The following RBBP8NL variants were observed in gnomAD, a reference collection of about 807,000 sequenced individuals.
The protein encoded by RBBP8NL is RBBP8 N-terminal-like protein.
A neutral mutation model predicts 62.2 loss-of-function variants in RBBP8NL; 59 were observed. That is an observed-to-expected ratio of 0.95 (90% CI 0.77 to 1.18). The LOEUF (loss-of-function observed/expected upper bound fraction) is 1.18, where lower values mean the gene tolerates loss of function less well. Ranked by LOEUF, RBBP8NL falls within the 50% of genes most tolerant of loss-of-function variation. RBBP8NL has a pLI of 0.00. For missense variants in RBBP8NL, 896 were observed against 899.5 expected (o/e 1.00, Z 0.05); for synonymous variants, 412 against 394.1 (o/e 1.05, Z -0.54).
chr20:62,417,394 G>GAT, intron 3 of RBBP8NL, 75 bp from the exon 4 acceptor site: 2 of 1,215,492 alleles, frequency 1.6e-6, no homozygotes, highest in Non-Finnish European at 2.3e-6. Flanking sequence ...ATCCAGCCTG[G>GAT]GGGGGCAGCG....
chr20:62,413,748 T>TG lies in RBBP8NL; in HGVS notation c.1530+72dup, dbSNP rs528286895. 2,346 of 1,502,662 alleles carry TG rather than the reference T, an allele frequency of 1.6e-3. 3 individuals carry two copies. Among genetic ancestry groups the TG allele is most frequent in the South Asian group, 1.9e-3 (137 of 73,692 alleles). 93.1% of individuals were successfully genotyped at this position (1,502,662 alleles called of 1,614,324 possible). A position where few individuals can be genotyped will look rare whatever the true frequency, so the allele number is the denominator to read the frequency against. On this transcript the variant is annotated intron_variant, in intron 10 of 13. Transcript: ENST00000252998. ...AGAGGGAAAAGAGCAGCCCGAGGTC[T>TG]GGGGGGAGGCCGGCCCGGGGTGGGG...
chr20:62,422,800 G>T (rs562309325), intron 1 of RBBP8NL, among the ~76,000 whole-genome samples: 20 of 152,242 alleles, frequency 1.3e-4, no homozygotes, highest in African/African-American at 4.8e-4. Flanking sequence ...GACAGAGTGT[G>T]GCCTGTGTTC....
chr20:62,412,603 C>T (rs1389554928), intron 13 of RBBP8NL, 21 bp downstream of exon 13: 6 of 1,600,156 alleles, frequency 3.7e-6, no homozygotes, highest in African/African-American at 2.7e-5. Flanking sequence ...CTTCCCTGCA[C>T]CTGCCCCATG....
chr20:62,418,655 T>C (rs996815097), intron 2 of RBBP8NL, among the ~76,000 whole-genome samples, 190 bp from the exon 3 acceptor site: 1 of 152,106 alleles, frequency 6.6e-6, no homozygotes, highest in African/African-American at 2.4e-5. Context: ...GGTCTCGGCC[T>C]AGCATCTGTT....
intron 1 of RBBP8NL, among the ~76,000 whole-genome samples, chr20:62,425,993 TGGGAG>T (rs1427784613): frequency 7.3e-6 from 1 of 137,538 alleles, no homozygotes; most frequent in Non-Finnish European, 1.5e-5. Context: ...GCAGTGGCAG[TGGGAG>T]TGGCAGTGGC....
intron 1 of RBBP8NL, among the ~76,000 whole-genome samples, chr20:62,424,684 G>A (rs1047407312): frequency 6.6e-6 from 1 of 152,108 alleles, no homozygotes; most frequent in Non-Finnish European, 1.5e-5. Flanking sequence ...CTCATCCAGG[G>A]AATGGACATG....
At chr20:62,417,478 C>T (rs1988597343) in intron 3 of RBBP8NL, among the ~76,000 whole-genome samples, 159 bp from the exon 4 acceptor site, 1 of 135,216 alleles carries the variant, frequency 7.4e-6, no homozygotes, top group Non-Finnish European at 1.5e-5. Context: ...TCTGCACGCT[C>T]CTCTGTGACG....
chr20:62,416,680 G>A, intron 5 of RBBP8NL, 80 bp downstream of exon 5: 1 of 929,144 alleles, frequency 1.1e-6, no homozygotes, highest in Non-Finnish European at 1.7e-6. Flanking sequence ...CTTTCCCCAT[G>A]CCCCTACATG....
intron 13 of RBBP8NL, among the ~76,000 whole-genome samples, chr20:62,411,542 A>C (rs536898670): frequency 6.6e-6 from 1 of 152,346 alleles, no homozygotes; most frequent in South Asian, 2.1e-4. Context: ...TGCACCAGCC[A>C]AACAGTGATG....
At chr20:62,412,784 G>T (rs1988464416) in intron 12 of RBBP8NL, 31 bp from the exon 13 acceptor site, 3 of 1,612,924 alleles carry the variant, frequency 1.9e-6, no homozygotes, top group African/African-American at 1.3e-5. Flanking sequence ...TCACGAGGAG[G>T]ACTGCCTCCT....
At chr20:62,426,791 G>C (rs1461857517) in intron 1 of RBBP8NL, among the ~76,000 whole-genome samples, 3 of 152,048 alleles carry the variant, frequency 2.0e-5, no homozygotes, top group African/African-American at 7.3e-5. Flanking sequence ...CCACACGCGC[G>C]TGCGCCCGTG....
At position 62,416,500 on chromosome 20, in the gene RBBP8NL, G is replaced by A. The variant is rs183222853; in HGVS notation, c.313+260C>T. 8.8e-3 allele frequency among the ~76,000 whole-genome samples: 1,339 copies of A among 152,318 alleles called. 19 individuals are homozygous for A. The highest frequency in any genetic ancestry group is 0.031 in the African/African-American group (1,284 of 41,564). ...GGGCCTCAGCACTGCAGGACCTTCC[G>A]CATCTCAGGAAGGAGGCCGCGCCCA... On this transcript the variant is annotated intron_variant, in intron 5 of 13. Transcript: ENST00000252998.
chr20:62,415,232 C>A lies in RBBP8NL; in HGVS notation c.683G>T (p.Gly228Val). Residue 228 changes from glycine (G) to valine (V), a missense_variant, in exon 9 of 14, where the codon GGG (glycine) becomes GTG (valine). Coordinates refer to ENST00000252998, the MANE Select transcript of RBBP8NL (RefSeq NM_080833.3). ...TCGGTCGGCAGGGCAAGCCTGGGAC[C>A]CAGGCCGCACCACGGCAATGGTCCC... ...LHGTIAVVRP[G>V]SQACPADRGP... 6.5e-7 allele frequency: 1 copy of A among 1,548,550 alleles called. No individual in the cohort carries two copies. The highest frequency in any genetic ancestry group is 8.7e-7 in the Non-Finnish European group (1 of 1,150,022).
Position 62,414,212 on chromosome 20 carries a change from G to T in RBBP8NL, c.1139C>A (p.Thr380Lys). ...AGSVRPRGQP[T>K]PGEMLPSLPV... ...TAGGGAGGGCAGCATCTCCCCGGGT[G>T]TGGGCTGGCCCCTTGGCCTGACACT... Residue 380 changes from threonine (T) to lysine (K), a missense_variant, in exon 10 of 14, where the codon ACA (threonine) becomes AAA (lysine). Coordinates refer to ENST00000252998, the MANE Select transcript of RBBP8NL (RefSeq NM_080833.3). 1.9e-6 allele frequency: 3 copies of T among 1,607,242 alleles called. No homozygotes were observed. The highest frequency in any genetic ancestry group is 1.7e-6 in the Non-Finnish European group (2 of 1,178,224).
Position 62,419,663 on chromosome 20 carries a change from T to C in RBBP8NL, c.-16A>G. Reference sequence around the variant, plus strand: ...AGCTCTCCATGGCTCCCTGTGGCCCTGGCCCGGGCCCCTCTGCGCTGGGGT... The same window carrying C: ...AGCTCTCCATGGCTCCCTGTGGCCCCGGCCCGGGCCCCTCTGCGCTGGGGT... On this transcript the variant is annotated 5_prime_UTR_variant, in exon 2 of 14. Transcript: ENST00000252998. The C allele has an allele frequency of 6.2e-7, 1 of 1,612,572 alleles. No homozygotes were observed.
chr20:62,419,950 C>T (rs968866957), intron 1 of RBBP8NL, among the ~76,000 whole-genome samples: 1 of 152,156 alleles, frequency 6.6e-6, no homozygotes, highest in African/African-American at 2.4e-5. Context: ...GGCCGGGGGC[C>T]AGAGGGCAGG....
rs770324541 is a variant in RBBP8NL at position 62,419,568 on chromosome 20, T to A, written c.61+19A>T. Reference sequence around the variant, plus strand: ...GTGGAGACCCCTCCCTAGCCTGGCATCTGTCCCTGGCCCCTCACCCAGGAC... The same window carrying A: ...GTGGAGACCCCTCCCTAGCCTGGCAACTGTCCCTGGCCCCTCACCCAGGAC... On this transcript the variant is annotated intron_variant, in intron 2 of 13. Coordinates refer to ENST00000252998, the MANE Select transcript of RBBP8NL (RefSeq NM_080833.3). 3 of 1,613,204 alleles carry A rather than the reference T, an allele frequency of 1.9e-6. No homozygotes were observed. Among genetic ancestry groups the A allele is most frequent in the Non-Finnish European group, 2.5e-6 (3 of 1,179,630 alleles).
chr20:62,412,629 TC>T lies in RBBP8NL; in HGVS notation c.1870del (p.Asp624ThrfsTer14). 1.2e-6 allele frequency: 2 copies of T among 1,604,064 alleles called. No homozygotes were observed. The highest frequency in any genetic ancestry group is 8.5e-7 in the Non-Finnish European group (1 of 1,179,802). On this transcript the variant is annotated frameshift_variant, in exon 13 of 14. Transcript: ENST00000252998. LOFTEE classifies it low-confidence loss of function (END_TRUNC). ...RKRKRASEPGDKASKKPSRGR... is the reference protein window; with the variant it reads ...RKRKRASEPGXKASKKPSRGR... ...CTGCCCCATGCCAGCTGTACCTTTG[TC>T]CCCAGGCTCCGAGGCCCGCTTCCTC...
At chr20:62,415,995 A>T in intron 6 of RBBP8NL, 50 bp from the exon 7 acceptor site, 1 of 1,491,358 alleles carries the variant, frequency 6.7e-7, no homozygotes, top group Non-Finnish European at 9.0e-7. Context: ...GCATCTCGGG[A>T]GATGATCAGA....
Sources: gnomAD v4.1 joint callset for allele counts (sites outside exome capture counted in the v4.1 genomes callset) on GRCh38, gnomAD v4.1.1 for gene constraint, MANE v1.5 for transcripts, NCBI Gene and HGNC (gene_info 2026-07-23, HGNC 2026-07-21) for gene names.